The following NALF1 variants were observed in gnomAD, a reference collection of about 807,000 sequenced individuals.
NALF1 encodes NALCN channel auxiliary factor 1.
A neutral mutation model predicts 48.4 loss-of-function variants in NALF1; 3 were observed. The observed-to-expected ratio is 0.06, with a 90% CI of 0.03 to 0.16. The LOEUF (loss-of-function observed/expected upper bound fraction) is 0.16, where lower values mean the gene tolerates loss of function less well. Among genes scored for constraint, NALF1 ranks in the 10% least tolerant of loss-of-function variants. The pLI is 1.00. For synonymous variants in NALF1, 262 were observed against 245.7 expected, an observed-to-expected ratio of 1.07 and a Z score of -0.62; for missense variants, 526 against 571.5, an observed-to-expected ratio of 0.92 and a Z score of 0.81.
intron 1 of NALF1, among the ~76,000 whole-genome samples, chr13:107,536,320 A>C (rs1876809526): frequency 6.6e-6 from 1 of 152,160 alleles, no homozygotes; most frequent in African/African-American, 2.4e-5. Context: ...AATTTTCACA[A>C]CCTACTCATC....
intron 1 of NALF1, among the ~76,000 whole-genome samples, chr13:107,702,254 T>C (rs1594215273): frequency 6.6e-6 from 1 of 150,884 alleles, no homozygotes; most frequent in Admixed American, 6.6e-5. Flanking sequence ...TTTCACTCTG[T>C]AAAAAAAAAG....
chr13:107,795,807 G>C (rs1331807448), intron 1 of NALF1, among the ~76,000 whole-genome samples: 2 of 152,158 alleles, frequency 1.3e-5, no homozygotes, highest in Non-Finnish European at 2.9e-5. Context: ...GAACATAAAA[G>C]AAATTATTCT....
chr13:107,344,226 C>G (rs1282237514), intron 1 of NALF1, among the ~76,000 whole-genome samples: 2 of 152,084 alleles, frequency 1.3e-5, no homozygotes, highest in African/African-American at 4.8e-5. Context: ...AAGCCCAGGA[C>G]CAGATGGCTT....
intron 1 of NALF1, among the ~76,000 whole-genome samples, chr13:107,769,805 G>C (rs1315482647): frequency 6.6e-6 from 1 of 152,080 alleles, no homozygotes; most frequent in Non-Finnish European, 1.5e-5. Context: ...AAGTTTTGCT[G>C]TCTGAGCCTA....
intron 1 of NALF1, among the ~76,000 whole-genome samples, chr13:107,488,294 T>C (rs1331848825): frequency 6.6e-6 from 1 of 152,108 alleles, no homozygotes; most frequent in Non-Finnish European, 1.5e-5. Flanking sequence ...CTGATTTTGG[T>C]TATTTCTTGT....
intron 1 of NALF1, among the ~76,000 whole-genome samples, chr13:107,632,899 C>A: frequency 2.4e-5 from 3 of 123,402 alleles, no homozygotes; most frequent in African/African-American, 2.8e-5. Context: ...ATTTTTATAA[C>A]AAGCCTCATG....
intron 1 of NALF1, among the ~76,000 whole-genome samples, chr13:107,456,652 G>A (rs2274043): frequency 0.13 from 20,486 of 152,042 alleles, 1,504 homozygotes; most frequent in South Asian, 0.22. Flanking sequence ...CTGACCTCTC[G>A]TTACAGCCTG....
intron 1 of NALF1, among the ~76,000 whole-genome samples, chr13:107,805,444 G>T (rs893120625): frequency 2.0e-5 from 3 of 152,102 alleles, no homozygotes; most frequent in Non-Finnish European, 4.4e-5. Flanking sequence ...ATTTTAGGAT[G>T]TCCAAGATAA....
At chr13:107,522,425 T>G (rs542652568) in intron 1 of NALF1, among the ~76,000 whole-genome samples, 1 of 152,272 alleles carries the variant, frequency 6.6e-6, no homozygotes, top group African/African-American at 2.4e-5. Context: ...AATTCATCCA[T>G]CCCTAAAGTT....
chr13:107,353,805 T>G (rs902697933), intron 1 of NALF1, among the ~76,000 whole-genome samples: 1 of 152,202 alleles, frequency 6.6e-6, no homozygotes, highest in Non-Finnish European at 1.5e-5. Context: ...TCTGCTAGAT[T>G]TAACCAGGGT....
chr13:107,180,330 C>G (rs1879035396), intron 2 of NALF1, among the ~76,000 whole-genome samples: 1 of 151,824 alleles, frequency 6.6e-6, no homozygotes, highest in Admixed American at 6.6e-5. Flanking sequence ...CTTAAGGAAT[C>G]TGAGGGATAA....
At chr13:107,313,837 G>A (rs1018395489) in intron 1 of NALF1, among the ~76,000 whole-genome samples, 7 of 152,012 alleles carry the variant, frequency 4.6e-5, no homozygotes, top group Non-Finnish European at 8.8e-5. Flanking sequence ...CAAGCTGTCC[G>A]CCTTTCCAGA....
chr13:107,708,165 A>G (rs751143753), intron 1 of NALF1, among the ~76,000 whole-genome samples: 1 of 152,146 alleles, frequency 6.6e-6, no homozygotes, highest in Non-Finnish European at 1.5e-5. Flanking sequence ...GGAAGGGTCA[A>G]CCCTTGCTCT....
At chr13:107,332,174 A>G (rs1183766799) in intron 1 of NALF1, among the ~76,000 whole-genome samples, 1 of 152,206 alleles carries the variant, frequency 6.6e-6, no homozygotes, top group Non-Finnish European at 1.5e-5. Context: ...AAGTAGCAAT[A>G]AAGACCCCAC....
intron 1 of NALF1, among the ~76,000 whole-genome samples, chr13:107,744,192 T>C (rs1048076412): frequency 2.6e-5 from 4 of 152,134 alleles, no homozygotes; most frequent in African/African-American, 9.7e-5. Context: ...CTTAATCCAG[T>C]GTGAGATCTT....
intron 1 of NALF1, among the ~76,000 whole-genome samples, chr13:107,471,585 T>C (rs1345637010): frequency 6.6e-6 from 1 of 152,212 alleles, no homozygotes; most frequent in Non-Finnish European, 1.5e-5. Context: ...TAAGAAATTA[T>C]TGGTAATTTA....
chr13:107,750,271 ACT>A (rs1876900297), intron 1 of NALF1, among the ~76,000 whole-genome samples: 1 of 151,812 alleles, frequency 6.6e-6, no homozygotes, highest in African/African-American at 2.4e-5. Context: ...ATCGTCCCTG[ACT>A]CCAGAACACG....
chr13:107,663,532 T>C lies in NALF1; in HGVS notation c.915+202150A>G, dbSNP rs145966143. ...GCCTGTCAAGATAATCGTATTTTCA[T>C]GTGTTTTGTTTTGTTGTCATTGTTG... On this transcript the variant is annotated intron_variant, in intron 1 of 2. Transcript: ENST00000375915. Among the ~76,000 whole-genome samples, 544 of 152,334 alleles carry C rather than the reference T, an allele frequency of 3.6e-3. 3 individuals are homozygous for C. The highest frequency in any genetic ancestry group is 0.012 in the African/African-American group (503 of 41,580).
At chr13:107,546,097 T>A (rs1877129511) in intron 1 of NALF1, among the ~76,000 whole-genome samples, 1 of 152,054 alleles carries the variant, frequency 6.6e-6, no homozygotes, top group African/African-American at 2.4e-5. Context: ...GGGCCTTCAT[T>A]CTTCCCAGCA....
Sources: gnomAD v4.1 joint callset for allele counts (sites outside exome capture counted in the v4.1 genomes callset) on GRCh38, gnomAD v4.1.1 for gene constraint, MANE v1.5 for transcripts, NCBI Gene and HGNC (gene_info 2026-07-23, HGNC 2026-07-21) for gene names.